RBM19: variants seen among roughly 807,000 people sequenced by gnomAD.
RBM19 encodes the protein probable RNA-binding protein 19.
In RBM19, 94 loss-of-function variants were observed where a neutral mutation model predicts 116.8. That is an observed-to-expected ratio of 0.80 (90% CI 0.68 to 0.95). RBM19 has a LOEUF of 0.95. Among genes scored for constraint, RBM19 ranks in the 40% least tolerant of loss-of-function variants. RBM19 has a pLI of 0.00. For missense variants in RBM19, 1,161 were observed against 1,220.7 expected (o/e 0.95, Z 0.73); for synonymous variants, 475 against 494.1 (o/e 0.96, Z 0.51).
At position 113,918,417 on chromosome 12, in the gene RBM19, C is replaced by T. The variant is rs778895419; in HGVS notation, c.2416G>A (p.Val806Met). ...TTAGTGGCTCGTTCCGAGATCCTCA[C>T]TTCCAGCTTGTGGCCGTCCACGACG... Reference protein sequence around the residue: ...GHVVDGHKLEVRISERATKPA... With the variant: ...GHVVDGHKLEMRISERATKPA... Residue 806 changes from valine (V) to methionine (M), a missense_variant, in exon 20 of 24, where the codon GTG becomes ATG. Transcript: ENST00000261741. The T allele has an allele frequency of 6.2e-7, 1 of 1,614,232 alleles. No homozygotes were observed. The highest frequency in any genetic ancestry group is 8.5e-7 in the Non-Finnish European group (1 of 1,180,026).
intron 6 of RBM19, among the ~76,000 whole-genome samples, chr12:113,955,767 C>T (rs1871882558): frequency 1.3e-5 from 2 of 152,192 alleles, no homozygotes; most frequent in Admixed American, 1.3e-4. Context: ...TGGATGTGAG[C>T]CCATATATAG....
chr12:113,893,613 G>C (rs756515463), intron 21 of RBM19, among the ~76,000 whole-genome samples: 3 of 152,128 alleles, frequency 2.0e-5, no homozygotes, highest in Non-Finnish European at 4.4e-5. Context: ...CACCATTGAA[G>C]ATCCTCCCAT....
At position 113,823,230 on chromosome 12, in the gene RBM19, C is replaced by A. The variant is rs1290838933; in HGVS notation, c.2877G>T (p.Gln959His). Residue 959 changes from glutamine (Q) to histidine (H), a missense_variant, in exon 24 of 24, where the codon CAG becomes CAT. By Grantham distance (24) the Gln-to-His change is conservative. Transcript: ENST00000261741. ...SDSDSEEQTL[Q>H]L ...ACACCCTCTCGGTGCCAGCTCACAG[C>A]TGAAGGGTCTGCTCCTCGCTGTCGC... 6.2e-7 allele frequency: 1 copy of A among 1,610,378 alleles called. No individual in the cohort carries two copies. Among genetic ancestry groups the A allele is most frequent in the Non-Finnish European group, 8.5e-7 (1 of 1,179,954 alleles).
intron 6 of RBM19, among the ~76,000 whole-genome samples, chr12:113,956,961 C>T (rs1296741674): frequency 6.6e-6 from 1 of 152,180 alleles, no homozygotes; most frequent in Non-Finnish European, 1.5e-5. Flanking sequence ...AGTTGATCCT[C>T]CCTATGATTG....
At chr12:113,962,537 G>T in intron 1 of RBM19, 123 bp from the exon 2 acceptor site, 1 of 931,678 alleles carries the variant, frequency 1.1e-6, no homozygotes, top group Non-Finnish European at 1.6e-6. Context: ...GAGGGGCAGA[G>T]TGTACTTTTC....
chr12:113,835,379 G>A (rs909906932), intron 23 of RBM19, among the ~76,000 whole-genome samples: 3 of 152,204 alleles, frequency 2.0e-5, no homozygotes, highest in African/African-American at 4.8e-5. Flanking sequence ...AGGATAAAGT[G>A]TCACACGGAG....
chr12:113,878,839 A>T (rs1879865310), intron 21 of RBM19, among the ~76,000 whole-genome samples: 1 of 144,798 alleles, frequency 6.9e-6, no homozygotes, highest in Admixed American at 6.8e-5. Context: ...AAAAAAAAAA[A>T]AAAAGGGGGG....
chr12:113,887,403 C>T (rs1234549349), intron 21 of RBM19, among the ~76,000 whole-genome samples: 1 of 151,880 alleles, frequency 6.6e-6, no homozygotes, highest in Non-Finnish European at 1.5e-5. Flanking sequence ...TTTGGGAGGC[C>T]GAGGTGGGCA....
chr12:113,879,191 G>A (rs1488249941), intron 21 of RBM19, among the ~76,000 whole-genome samples: 1 of 152,046 alleles, frequency 6.6e-6, no homozygotes, highest in Non-Finnish European at 1.5e-5. Context: ...GGTCCACCAG[G>A]GCACAGGACA....
intron 21 of RBM19, among the ~76,000 whole-genome samples, chr12:113,883,184 A>C (rs1172023980): frequency 4.6e-5 from 7 of 152,228 alleles, no homozygotes; most frequent in African/African-American, 1.7e-4. Context: ...CCTGCCCAGA[A>C]ATTTCAAGAA....
chr12:113,837,071 C>T (rs1876008284), intron 23 of RBM19, among the ~76,000 whole-genome samples: 1 of 144,676 alleles, frequency 6.9e-6, no homozygotes, highest in South Asian at 2.3e-4. Flanking sequence ...TACCTATCCC[C>T]CTACTTACTA....
intron 19 of RBM19, among the ~76,000 whole-genome samples, chr12:113,918,708 A>C (rs1371897908): frequency 5.3e-5 from 8 of 152,236 alleles, no homozygotes; most frequent in Non-Finnish European, 1.5e-5. Context: ...GATGTCATTC[A>C]AGGGACACGG....
At chr12:113,836,084 C>T (rs556046976) in intron 23 of RBM19, among the ~76,000 whole-genome samples, 6 of 152,220 alleles carry the variant, frequency 3.9e-5, no homozygotes, top group African/African-American at 9.7e-5. Flanking sequence ...CAGCCAGCGG[C>T]GGACTTTCCT....
chr12:113,897,490 A>G (rs1881416305), intron 21 of RBM19, among the ~76,000 whole-genome samples: 1 of 152,218 alleles, frequency 6.6e-6, no homozygotes, highest in South Asian at 2.1e-4. Context: ...GACTTGTCCA[A>G]GTGTGACAGC....
chr12:113,870,189 G>A (rs1263704793), intron 21 of RBM19, among the ~76,000 whole-genome samples: 1 of 152,204 alleles, frequency 6.6e-6, no homozygotes, highest in Non-Finnish European at 1.5e-5. Context: ...GCGATGGCAA[G>A]CAGGAAGACA....
intron 21 of RBM19, among the ~76,000 whole-genome samples, chr12:113,912,262 C>T (rs1882477111): frequency 6.6e-6 from 1 of 152,234 alleles, no homozygotes; most frequent in Non-Finnish European, 1.5e-5. Context: ...CACCTGCACA[C>T]CTGTCCCACT....
At chr12:113,943,427 C>T (rs1339234219) in intron 13 of RBM19, among the ~76,000 whole-genome samples, 3 of 152,186 alleles carry the variant, frequency 2.0e-5, no homozygotes, top group African/African-American at 7.2e-5. Flanking sequence ...CGCGACACAT[C>T]CAAAGTGCTC....
chr12:113,885,936 T>C (rs1880484977), intron 21 of RBM19, among the ~76,000 whole-genome samples: 1 of 151,044 alleles, frequency 6.6e-6, no homozygotes, highest in Admixed American at 6.6e-5. Flanking sequence ...TGGTGCAATC[T>C]TGGCTCACTG....
chr12:113,820,773 C>T, downstream of RBM19, among the ~76,000 whole-genome samples: 1 of 152,156 alleles, frequency 6.6e-6, no homozygotes, highest in East Asian at 1.9e-4. Context: ...GGTGCAGGGG[C>T]CAGGCTCAGT....
Sources: allele counts gnomAD v4.1 joint callset (sites outside exome capture counted in the v4.1 genomes callset), GRCh38; gene constraint gnomAD v4.1.1; transcripts MANE v1.5; gene names NCBI Gene and HGNC (gene_info 2026-07-23, HGNC 2026-07-21).